Variants in SPINK9 observed in about 807,000 individuals in gnomAD.
SPINK9 encodes the protein serine peptidase inhibitor Kazal type 9.
A neutral mutation model predicts 10.8 loss-of-function variants in SPINK9; 3 were observed. The ratio of observed to expected loss-of-function variants is 0.28; its 90% CI spans 0.13 to 0.72. The LOEUF (loss-of-function observed/expected upper bound fraction) is 0.72. Among genes scored for constraint, SPINK9 ranks in the 30% least tolerant of loss-of-function variants. The probability of loss-of-function intolerance (pLI) is 0.74; values close to 1 mark genes in which losing one functional copy is unlikely to be tolerated. For synonymous variants in SPINK9, 30 were observed against 31.2 expected (o/e 0.96, Z 0.12); for missense variants, 101 against 103.2 (o/e 0.98, Z 0.09).
At chr5:148,323,043 A>G (rs926323915) in intron 1 of SPINK9, among the ~76,000 whole-genome samples, 13 of 152,196 alleles carry the variant, frequency 8.5e-5, no homozygotes, top group Non-Finnish European at 1.9e-4. Context: ...CCTATAAGCA[A>G]AATATAGAAG....
At chr5:148,327,826 C>T (rs1417667265) in intron 2 of SPINK9, among the ~76,000 whole-genome samples, 1 of 151,438 alleles carries the variant, frequency 6.6e-6, no homozygotes, top group Non-Finnish European at 1.5e-5. Flanking sequence ...AGATATGTGG[C>T]ATTATTTCTG....
At chr5:148,322,998 A>T (rs956446533) in intron 1 of SPINK9, among the ~76,000 whole-genome samples, 4 of 152,212 alleles carry the variant, frequency 2.6e-5, no homozygotes, top group African/African-American at 7.2e-5. Flanking sequence ...AAATGAATTT[A>T]AAAATAGTTA....
chr5:148,336,874 T>C (rs1292061804), intron 2 of SPINK9, among the ~76,000 whole-genome samples: 1 of 152,186 alleles, frequency 6.6e-6, no homozygotes, highest in Non-Finnish European at 1.5e-5. Context: ...GACTTTAATT[T>C]AGCCTTCCAT....
At chr5:148,333,199 A>G (rs899356355), upstream of SPINK9, among the ~76,000 whole-genome samples, 2 of 152,138 alleles carry the variant, frequency 1.3e-5, no homozygotes, top group African/African-American at 4.8e-5. Context: ...CCACATTCCC[A>G]CTTCATCTAA....
At chr5:148,329,339 A>T (rs534973052) in intron 2 of SPINK9, among the ~76,000 whole-genome samples, 8 of 152,064 alleles carry the variant, frequency 5.3e-5, no homozygotes, top group Admixed American at 2.0e-4. Context: ...TTTCTGTGGG[A>T]TTGGTGGTGA....
At chr5:148,331,101 C>A (rs992417159), upstream of SPINK9, among the ~76,000 whole-genome samples, 2 of 152,184 alleles carry the variant, frequency 1.3e-5, no homozygotes, top group Non-Finnish European at 2.9e-5. Flanking sequence ...TGTCCTGCAC[C>A]CACTGTCCAG....
upstream of SPINK9, among the ~76,000 whole-genome samples, chr5:148,333,930 C>T (rs567768728): frequency 1.3e-5 from 2 of 152,242 alleles, no homozygotes; most frequent in Admixed American, 1.3e-4. Context: ...AGTATGTGCT[C>T]AGTAAGTATG....
At chr5:148,331,964 T>C (rs1414939279), upstream of SPINK9, among the ~76,000 whole-genome samples, 1 of 152,184 alleles carries the variant, frequency 6.6e-6, no homozygotes, top group African/African-American at 2.4e-5. Flanking sequence ...ATTTGAGGAA[T>C]ATGACCATTA....
intron 2 of SPINK9, among the ~76,000 whole-genome samples, chr5:148,325,296 G>C (rs1757044787): frequency 6.6e-6 from 1 of 152,054 alleles, no homozygotes; most frequent in Non-Finnish European, 1.5e-5. Flanking sequence ...CCTAAGAGTG[G>C]AATTGCTAGT....
intron 2 of SPINK9, among the ~76,000 whole-genome samples, chr5:148,328,145 A>C (rs922219383): frequency 1.1e-4 from 17 of 152,184 alleles, no homozygotes; most frequent in Non-Finnish European, 2.5e-4. Context: ...TGAGCAAGGA[A>C]TGTTCTTCCA....
Position 148,335,617 on chromosome 5 carries a change from A to G in SPINK9, c.4A>G (p.Arg2Gly). 1 of 1,613,612 alleles carries G rather than the reference A, an allele frequency of 6.2e-7. No individual in the cohort carries two copies. The highest frequency in any genetic ancestry group is 8.5e-7 in the Non-Finnish European group (1 of 1,179,796). M[R>G]ATAIVLLLAL... is the part of the protein sequence containing the mutation. ...CTGCCTTGGCCACTTCAGTACTATG[A>G]GAGCAACAGCCATAGTCCTACTCTT... The change falls in exon 1 of 4, where the codon AGA becomes GGA. Residue 2 changes from arginine (R) to glycine (G), a missense_variant. Coordinates refer to ENST00000377906, the MANE Select transcript of SPINK9 (RefSeq NM_001040433.2).
upstream of SPINK9, among the ~76,000 whole-genome samples, chr5:148,331,158 A>G (rs1271750301): frequency 1.8e-4 from 27 of 152,208 alleles, no homozygotes; most frequent in Admixed American, 1.8e-3. Flanking sequence ...AAATGCAGAA[A>G]TCACCCATCT....
upstream of SPINK9, among the ~76,000 whole-genome samples, chr5:148,331,967 G>A (rs553416913): frequency 1.3e-5 from 2 of 152,130 alleles, no homozygotes; most frequent in Non-Finnish European, 2.9e-5. Flanking sequence ...TGAGGAATAT[G>A]ACCATTATAA....
chr5:148,332,158 C>G (rs866871535), upstream of SPINK9, among the ~76,000 whole-genome samples: 3 of 152,222 alleles, frequency 2.0e-5, no homozygotes, highest in South Asian at 2.1e-4. Context: ...TTCTTCCTGA[C>G]TGTTGTGTAA....
At chr5:148,322,888 A>T (rs1056283005) in intron 1 of SPINK9, among the ~76,000 whole-genome samples, 1 of 152,164 alleles carries the variant, frequency 6.6e-6, no homozygotes, top group Non-Finnish European at 1.5e-5. Context: ...TCCAGCATTT[A>T]TCAAAACTCA....
upstream of SPINK9, among the ~76,000 whole-genome samples, chr5:148,333,301 G>C (rs759285137): frequency 5.3e-5 from 8 of 152,150 alleles, no homozygotes; most frequent in Non-Finnish European, 1.0e-4. Flanking sequence ...CCAAAATTGC[G>C]GCTTAGCCAA....
chr5:148,325,228 T>C (rs1463922655), intron 2 of SPINK9, among the ~76,000 whole-genome samples: 2 of 152,132 alleles, frequency 1.3e-5, no homozygotes, highest in Admixed American at 1.3e-4. Context: ...ATAAGGCTGC[T>C]ATGTACATTC....
chr5:148,321,948 A>G (rs1757004513), intron 1 of SPINK9, among the ~76,000 whole-genome samples: 1 of 152,238 alleles, frequency 6.6e-6, no homozygotes. Flanking sequence ...ATAATCTAAG[A>G]TAATGATGGC....
rs911268111 is a variant in SPINK9 at position 148,339,819 on chromosome 5, A to T, written c.*107A>T. ...ATTGCCTACTCATCACCATATGTAG[A>T]TTTCTTTGTAGAATAAAGCAGATAT... On this transcript the variant is annotated 3_prime_UTR_variant, in exon 4 of 4. Transcript: ENST00000377906. 5.7e-6 allele frequency: 5 copies of T among 884,218 alleles called. No individual in the cohort carries two copies. Among genetic ancestry groups the T allele is most frequent in the East Asian group, 5.3e-5 (2 of 37,620 alleles). The allele number at this position is 884,218 out of a possible 1,614,324, so 54.8% of individuals were successfully genotyped here.
Sources: gnomAD v4.1 joint callset for allele counts (sites outside exome capture counted in the v4.1 genomes callset) on GRCh38, gnomAD v4.1.1 for gene constraint, MANE v1.5 for transcripts, NCBI Gene and HGNC (gene_info 2026-07-23, HGNC 2026-07-21) for gene names.